TBC1D7: variants seen among roughly 807,000 people sequenced by gnomAD.
The protein encoded by TBC1D7 is TBC1 domain family member 7.
A neutral mutation model predicts 35.3 loss-of-function variants in TBC1D7; 33 were observed. That is an observed-to-expected ratio of 0.93 (90% confidence interval 0.71 to 1.25). The LOEUF is 1.25. Ranked by LOEUF, TBC1D7 falls within the 50% of genes most tolerant of loss-of-function variation. TBC1D7 has a pLI of 0.00. For synonymous variants in TBC1D7, 135 were observed against 129.5 expected, an observed-to-expected ratio of 1.04 and a Z score of -0.29; for missense variants, 362 against 365.3, an observed-to-expected ratio of 0.99 and a Z score of 0.07.
chr6:13,327,886 C>G lies in TBC1D7; in HGVS notation c.-9+410G>C, dbSNP rs988115168. On this transcript the variant is annotated intron_variant, in intron 1 of 7. Coordinates refer to ENST00000379300, the MANE Select transcript of TBC1D7 (RefSeq NM_016495.6). The stretch of plus-strand genomic sequence containing the variant: ...AGAGTAAATCTTTAGGTTTAAAAAC[C>G]CTGCGACGTCCCCAGTGAGCAGGGG... 2.0e-5 allele frequency: 3 copies of G among 152,274 alleles called. No homozygotes were observed. In the East Asian group the frequency reaches 5.8e-4, roughly 29 times the overall value. 9.4% of individuals were successfully genotyped at this position (152,274 alleles called of 1,614,324 possible).
chr6:13,326,729 A>G (rs961201227), intron 2 of TBC1D7, 58 bp downstream of exon 2: 10 of 1,104,374 alleles, frequency 9.1e-6, no homozygotes, highest in Middle Eastern at 4.1e-4. Context: ...GAAAATATTT[A>G]CTTCAGAACA....
rs1344076573 is a variant in TBC1D7, at chr6:13,325,153, A to G, written c.134T>C (p.Phe45Ser). The G allele has an allele frequency of 1.2e-6, 2 of 1,613,664 alleles. No homozygotes were observed. Among genetic ancestry groups the G allele is most frequent in the South Asian group, 2.2e-5 (2 of 91,030 alleles). The change falls in exon 3 of 8, where the codon TTT becomes TCT. Residue 45 changes from phenylalanine (F) to serine (S), a missense_variant. Coordinates refer to ENST00000379300, the MANE Select transcript of TBC1D7 (RefSeq NM_016495.6). ...GGACGGGAGAGGGAACCTCTGACTA[A>G]AAGTACAAAGTTTCTCAGTATCTAG... Reference protein sequence around the residue: ...DRLDTEKLCTFSQRFPLPSMY... With the variant: ...DRLDTEKLCTSSQRFPLPSMY...
At chr6:13,306,324 T>C (rs1054297829) in intron 7 of TBC1D7, 74 bp downstream of exon 7, 61 of 1,389,342 alleles carry the variant, frequency 4.4e-5, no homozygotes, top group Non-Finnish European at 5.7e-5. Context: ...TGAAATAATC[T>C]AATGTAACAG....
intron 4 of TBC1D7, among the ~76,000 whole-genome samples, chr6:13,317,355 T>C (rs1015656265): frequency 1.3e-5 from 2 of 152,212 alleles, no homozygotes; most frequent in African/African-American, 2.4e-5. Flanking sequence ...GGGACCTTAT[T>C]TGAAAACCTC....
chr6:13,313,555 A>AGG (rs1562162282), intron 5 of TBC1D7, among the ~76,000 whole-genome samples: 3 of 151,936 alleles, frequency 2.0e-5, no homozygotes, highest in African/African-American at 7.3e-5. Context: ...CCAAGCCTAG[A>AGG]GAGATACGCA....
chr6:13,326,494 G>T (rs1203631764), intron 2 of TBC1D7, among the ~76,000 whole-genome samples: 1 of 150,898 alleles, frequency 6.6e-6, no homozygotes. Context: ...CATGACCAGA[G>T]TTATCGCAAA....
chr6:13,324,068 G>A (rs1389828029), intron 3 of TBC1D7, among the ~76,000 whole-genome samples: 1 of 152,104 alleles, frequency 6.6e-6, no homozygotes, highest in African/African-American at 2.4e-5. Flanking sequence ...ATATTCTTCA[G>A]GGAATTTAGT....
At chr6:13,305,307 A>G in intron 7 of TBC1D7, 120 bp from the exon 8 acceptor site, 1 of 945,710 alleles carries the variant, frequency 1.1e-6, no homozygotes, top group South Asian at 1.4e-5. Flanking sequence ...TCAGAAAGTG[A>G]CAGCATAAAA....
At chr6:13,310,475 TA>T in intron 5 of TBC1D7, among the ~76,000 whole-genome samples, 1 of 151,074 alleles carries the variant, frequency 6.6e-6, no homozygotes, top group Non-Finnish European at 1.5e-5. Context: ...CCATCTCTAC[TA>T]AAAATACAAA....
intron 4 of TBC1D7, chr6:13,320,640 G>T (rs905357049): frequency 8.0e-6 from 5 of 623,120 alleles, no homozygotes; most frequent in South Asian, 7.7e-5. Flanking sequence ...TGGGTAAAGG[G>T]TATATGCAAA....
chr6:13,323,143 A>C (rs1227448533), intron 3 of TBC1D7, among the ~76,000 whole-genome samples: 1 of 152,170 alleles, frequency 6.6e-6, no homozygotes, highest in African/African-American at 2.4e-5. Flanking sequence ...GCCTGAGCTC[A>C]GGAGTTTGCG....
rs34295856 is a variant in TBC1D7 at position 13,305,113 on chromosome 6, G to C, written c.870C>G (p.Val290=). The change falls in exon 8 of 8, where the codon GTC becomes GTG. Residue 290 remains valine (V), a synonymous_variant. Coordinates refer to ENST00000379300, the MANE Select transcript of TBC1D7 (RefSeq NM_016495.6). ...CCAGCGGGTGCGTTCAGCTTGAATG[G>C]ACCGGGGTCCCACAGTGTTTGTGCC... ...DLWHKHCGTP[V]HSS is the part of the protein sequence containing the mutation. 5,579 of 1,612,864 alleles carry C rather than the reference G, an allele frequency of 3.5e-3. 135 individuals are homozygous for C. In the African/African-American group the frequency reaches 0.058, roughly 17 times the overall value.
chr6:13,315,136 T>A (rs1232623095), intron 5 of TBC1D7, among the ~76,000 whole-genome samples: 2 of 152,130 alleles, frequency 1.3e-5, no homozygotes, highest in Admixed American at 1.3e-4. Context: ...ACAGTCCTGG[T>A]CACTAACATA....
intron 2 of TBC1D7, among the ~76,000 whole-genome samples, chr6:13,325,532 A>C (rs1226098611): frequency 6.6e-6 from 1 of 152,174 alleles, no homozygotes; most frequent in East Asian, 1.9e-4. Context: ...GTATGGTGGC[A>C]CACACCTGTG....
chr6:13,316,033 C>T lies in TBC1D7; in HGVS notation c.519+538G>A, dbSNP rs73723251. Among the ~76,000 whole-genome samples, 388 of 152,308 alleles carry T rather than the reference C, an allele frequency of 2.5e-3. 1 individual carries two copies. Among genetic ancestry groups the T allele is most frequent in the African/African-American group, 9.0e-3 (373 of 41,558 alleles). On this transcript the variant is annotated intron_variant, in intron 5 of 7. Coordinates refer to ENST00000379300, the MANE Select transcript of TBC1D7 (RefSeq NM_016495.6). ...GAACACAGACGTCATGGCCGCTGGT[C>T]CAAGAGCAACCTTGTGAGCACGAGA...
chr6:13,323,823 T>C (rs1298803098), intron 3 of TBC1D7: 1 of 152,242 alleles, frequency 6.6e-6, no homozygotes, highest in African/African-American at 2.4e-5. Flanking sequence ...GTCCACAATC[T>C]ATCTTACCTT....
rs530505770 is a variant in TBC1D7, at chr6:13,307,676, C to T, written c.589G>A (p.Ala197Thr). ...RLLTHLRMCS[A>T]APKLPYDLWF... ...AGATCATAAGGAAGTTTGGGCGCCG[C>T]GGAACACATCCTCAGATGAGTCAGC... is the stretch of plus-strand genomic sequence containing the variant. Residue 197 changes from alanine to threonine, a missense_variant, in exon 6 of 8, where the codon GCG becomes ACG. Transcript: ENST00000379300. The T allele has an allele frequency of 3.0e-5, 48 of 1,614,106 alleles. No individual in the cohort carries two copies. Among genetic ancestry groups the T allele is most frequent in the Middle Eastern group, 1.6e-4 (1 of 6,062 alleles).
At chr6:13,305,386 G>A (rs1584520188) in intron 7 of TBC1D7, among the ~76,000 whole-genome samples, 199 bp from the exon 8 acceptor site, 1 of 152,304 alleles carries the variant, frequency 6.6e-6, no homozygotes, top group African/African-American at 2.4e-5. Flanking sequence ...TTCAAATCCT[G>A]CACTGCTCAC....
intron 7 of TBC1D7, 55 bp from the exon 8 acceptor site, chr6:13,305,242 CTT>C: frequency 6.6e-7 from 1 of 1,519,904 alleles, no homozygotes. Context: ...ACTTCAGTGT[CTT>C]CCCTCATTCG....
Sources: allele counts gnomAD v4.1 joint callset (sites outside exome capture counted in the v4.1 genomes callset), GRCh38; gene constraint gnomAD v4.1.1; transcripts MANE v1.5; gene names NCBI Gene and HGNC (gene_info 2026-07-23, HGNC 2026-07-21).